The following USP25 variants were observed in gnomAD, a reference collection of about 807,000 sequenced individuals.
USP25 encodes ubiquitin specific peptidase 25.
In USP25, 85 loss-of-function variants were observed where a neutral mutation model predicts 158.5. The ratio of observed to expected loss-of-function variants is 0.54; its 90% CI spans 0.45 to 0.64. The LOEUF is 0.64. USP25 is among the 30% of genes least tolerant of loss of function. USP25 has a pLI of 0.00. For synonymous variants in USP25, 464 were observed against 460.4 expected, an observed-to-expected ratio of 1.01 and a Z score of -0.10; for missense variants, 1,242 against 1,327.3, an observed-to-expected ratio of 0.94 and a Z score of 1.00.
chr21:15,780,608 A>G (rs1962530781), intron 4 of USP25, among the ~76,000 whole-genome samples: 1 of 152,208 alleles, frequency 6.6e-6, no homozygotes, highest in Non-Finnish European at 1.5e-5. Flanking sequence ...GTAGTAGACT[A>G]CAGATTCTTT....
rs1010986074 is a variant in USP25, at chr21:15,878,375, A to T, written c.3278A>T (p.His1093Leu). The T allele has an allele frequency of 6.2e-7, 1 of 1,614,102 alleles. No homozygotes were observed. The highest frequency in any genetic ancestry group is 8.5e-7 in the Non-Finnish European group (1 of 1,179,970). ...TGTTCTATGGAGATTAAAAGTTTCC[A>T]TGAGCCACCGAAGTTACCTTCATAT... Reference protein sequence around the residue: ...LDCSMEIKSFHEPPKLPSYST... With the variant: ...LDCSMEIKSFLEPPKLPSYST... Residue 1093 changes from histidine (H) to leucine (L), a missense_variant, in exon 26 of 26, where the codon CAT (histidine) becomes CTT (leucine). By Grantham distance (99) the His-to-Leu change is moderately conservative (BLOSUM62 -3). Transcript: ENST00000400183.
chr21:15,750,237 T>C (rs1182506186), intron 1 of USP25, among the ~76,000 whole-genome samples: 4 of 92,400 alleles, frequency 4.3e-5, no homozygotes, highest in South Asian at 3.8e-4. Flanking sequence ...TTTTTTTTTT[T>C]CCTTGAGACA....
intron 20 of USP25, 147 bp from the exon 21 acceptor site, chr21:15,864,118 GTTC>G: frequency 1.6e-6 from 1 of 617,622 alleles, no homozygotes; most frequent in Admixed American, 4.0e-5. Flanking sequence ...ATGGGACTGT[GTTC>G]TTAGTTGTAC....
chr21:15,758,041 C>T (rs963333018), intron 1 of USP25, among the ~76,000 whole-genome samples: 1 of 152,170 alleles, frequency 6.6e-6, no homozygotes, highest in Non-Finnish European at 1.5e-5. Flanking sequence ...AACTGAGACT[C>T]TGCTTCTAAG....
chr21:15,859,184 CTT>C (rs2039299869), intron 20 of USP25, among the ~76,000 whole-genome samples: 2 of 147,690 alleles, frequency 1.4e-5, no homozygotes, highest in Non-Finnish European at 3.0e-5. Flanking sequence ...GAGGCTTTCT[CTT>C]GTTTTGTTTT....
intron 1 of USP25, among the ~76,000 whole-genome samples, chr21:15,758,233 A>C (rs181907852): frequency 7.7e-4 from 118 of 152,274 alleles, no homozygotes; most frequent in African/African-American, 2.7e-3. Flanking sequence ...AAGGACATGC[A>C]TTTGTATTAG....
intron 20 of USP25, among the ~76,000 whole-genome samples, chr21:15,850,401 T>A (rs1369775465): frequency 6.6e-6 from 1 of 152,102 alleles, no homozygotes; most frequent in Non-Finnish European, 1.5e-5. Context: ...AACATCAAGC[T>A]GAACACGATT....
intron 18 of USP25, among the ~76,000 whole-genome samples, chr21:15,842,773 A>C (rs555937453): frequency 1.0e-3 from 157 of 152,312 alleles, no homozygotes; most frequent in African/African-American, 3.7e-3. Flanking sequence ...AGAGAATTCT[A>C]ATGAATCATA....
chr21:15,836,831 G>A (rs2038085915), intron 17 of USP25, among the ~76,000 whole-genome samples: 1 of 137,608 alleles, frequency 7.3e-6, no homozygotes. Context: ...ATCCTTTGCT[G>A]TCAGTGTGTG....
chr21:15,849,679 A>T (rs2146482998), intron 19 of USP25, 98 bp from the exon 20 acceptor site: 3 of 937,900 alleles, frequency 3.2e-6, no homozygotes, highest in Non-Finnish European at 4.6e-6. Flanking sequence ...GCAACATTTG[A>T]TTTATAAATA....
intron 2 of USP25, among the ~76,000 whole-genome samples, chr21:15,763,704 G>A (rs2033871350): frequency 6.6e-6 from 1 of 152,142 alleles, no homozygotes; most frequent in Non-Finnish European, 1.5e-5. Context: ...TTTGGAACTT[G>A]ATTTCAAGCC....
intron 9 of USP25, among the ~76,000 whole-genome samples, chr21:15,811,412 A>G (rs371083979): frequency 6.6e-6 from 1 of 152,126 alleles, no homozygotes; most frequent in Non-Finnish European, 1.5e-5. Context: ...GCATTATCAC[A>G]TACTAATTAA....
chr21:15,877,275 A>G (rs1321717176), intron 24 of USP25: 1 of 152,332 alleles, frequency 6.6e-6, no homozygotes. Context: ...GTGCCCCTGC[A>G]TCTGCAGAAA....
In USP25 at chr21:15,812,314, C is replaced by G. The variant is rs141359717; in HGVS notation, c.931+1104C>G. Among the ~76,000 whole-genome samples, 309 of 152,090 alleles carry G rather than the reference C, an allele frequency of 2.0e-3. 3 individuals carry two copies. Among genetic ancestry groups the G allele is most frequent in the African/African-American group, 7.3e-3 (305 of 41,502 alleles). On this transcript the variant is annotated intron_variant, in intron 9 of 25. Coordinates refer to ENST00000400183, the MANE Select transcript of USP25 (RefSeq NM_001283041.3). ...ATAATACCCTGCATGAGCATTTCTA[C>G]CTGTATTATATTGATTCCTAAAATT...
chr21:15,800,748 T>C (rs2146254159), intron 6 of USP25, among the ~76,000 whole-genome samples: 1 of 151,606 alleles, frequency 6.6e-6, no homozygotes, highest in Middle Eastern at 3.4e-3. Flanking sequence ...TTTTGACCTA[T>C]TTTTAGTAGG....
rs1483660484 is a variant in USP25 at position 15,816,583 on chromosome 21, C to T, written c.932-2115C>T. On this transcript the variant is annotated intron_variant, in intron 9 of 25. Transcript: ENST00000400183. The surrounding 1 kb of genome is among the most constrained non-coding windows in gnomAD (Gnocchi z 4.0). ...TTTTTGCATATAAAGGTAGCAGAAC[C>T]TTAGGACTTTGTTTAGGCCCATTTC... Among the ~76,000 whole-genome samples, 2 of 152,078 alleles carry T rather than the reference C, an allele frequency of 1.3e-5. No individual in the cohort carries two copies. The highest frequency in any genetic ancestry group is 2.9e-5 in the Non-Finnish European group (2 of 68,018).
rs148762983 is a variant in USP25, at chr21:15,737,741, C to T, written c.45+7303C>T. On this transcript the variant is annotated intron_variant, in intron 1 of 25. Transcript: ENST00000400183. ...CTGTGCTTGAGTTTTGTATATGGTGCGAGGTAGGGATACAGTTTTATTTTC... is the reference window on the plus strand; with the variant it reads ...CTGTGCTTGAGTTTTGTATATGGTGTGAGGTAGGGATACAGTTTTATTTTC... 2.0e-3 allele frequency among the ~76,000 whole-genome samples: 308 copies of T among 151,664 alleles called. 1 individual carries two copies. The highest frequency in any genetic ancestry group is 0.014 in the Middle Eastern group (4 of 290).
intron 3 of USP25, among the ~76,000 whole-genome samples, chr21:15,771,671 AT>A (rs559645025): frequency 0.011 from 1,539 of 137,440 alleles, 14 homozygotes; most frequent in African/African-American, 0.03. Flanking sequence ...GGTCCAGGGT[AT>A]TTTTTTTTTC....
At chr21:15,775,121 C>T (rs1238952012) in intron 3 of USP25, among the ~76,000 whole-genome samples, 1 of 152,132 alleles carries the variant, frequency 6.6e-6, no homozygotes, top group Non-Finnish European at 1.5e-5. Flanking sequence ...TGATGTGCTT[C>T]ATTTCTCAGA....
Sources: gnomAD v4.1 joint callset for allele counts (sites outside exome capture counted in the v4.1 genomes callset) on GRCh38, gnomAD v4.1.1 for gene constraint, Gnocchi (gnomAD v3.1) non-coding constraint, MANE v1.5 for transcripts, NCBI Gene and HGNC (gene_info 2026-07-23, HGNC 2026-07-21) for gene names.